The following NAV3 variants were observed in gnomAD, a reference collection of about 807,000 sequenced individuals.
NAV3 encodes the protein pore membrane and/or filament interacting like protein 1.
Under a neutral mutation model 244.7 loss-of-function variants are expected in NAV3, and 87 were observed. That is an observed-to-expected ratio of 0.36 (90% CI 0.30 to 0.42). NAV3 has a LOEUF of 0.42. NAV3 is among the 20% of genes least tolerant of loss of function. NAV3 has a pLI of 1.00. For missense variants in NAV3, 2,663 were observed against 2,893.3 expected, an observed-to-expected ratio of 0.92 and a Z score of 1.83; for synonymous variants, 1,126 against 1,042.2, an observed-to-expected ratio of 1.08 and a Z score of -1.55.
At chr12:78,150,428 C>T (rs1957028401) in intron 22 of NAV3, among the ~76,000 whole-genome samples, 1 of 151,758 alleles carries the variant, frequency 6.6e-6, no homozygotes. Flanking sequence ...CTGATACTTT[C>T]CATTTGAAAT....
chr12:77,670,925 A>G lies in NAV3; in HGVS notation c.72+98659A>G, dbSNP rs142551308. Among the ~76,000 whole-genome samples, 255 of 152,324 alleles carry G rather than the reference A, an allele frequency of 1.7e-3. 7 individuals are homozygous for G. In the East Asian group the frequency reaches 0.046, roughly 27 times the overall value. ...CCACTTGTATTCAACACAGTACTGG[A>G]AGTCCTAGCCAGAGCAATCAGATAA... On this transcript the variant is annotated intron_variant, in intron 2 of 8. Transcript: ENST00000550042.
rs68039677 is a variant in NAV3, at chr12:77,979,697, ACG to A, written c.671+10996_671+10997del. On this transcript the variant is annotated intron_variant, in intron 5 of 39. Coordinates refer to ENST00000397909, the MANE Select transcript of NAV3 (RefSeq NM_001024383.2). ...ATCTCTCAGTCTCATAAGATGTGAA[ACG>A]AAAAAAAAAAAAGAAAAAAAAAAAA... 3.7e-3 allele frequency among the ~76,000 whole-genome samples: 501 copies of A among 134,520 alleles called. 6 individuals carry two copies. The highest frequency in any genetic ancestry group is 8.7e-3 in the Admixed American group (112 of 12,926). 88.3% of individuals were successfully genotyped at this position (134,520 alleles called of 152,430 possible). A position where few individuals can be genotyped will look rare whatever the true frequency, so the allele number is the denominator to read the frequency against.
At chr12:77,720,019 C>A (rs1056015387) in intron 2 of NAV3, among the ~76,000 whole-genome samples, 1 of 151,926 alleles carries the variant, frequency 6.6e-6, no homozygotes, top group African/African-American at 2.4e-5. Flanking sequence ...CTTTCTTGTT[C>A]AGTATTCATA....
intron 3 of NAV3, among the ~76,000 whole-genome samples, chr12:77,960,910 A>G (rs1240577014): frequency 2.0e-5 from 3 of 146,586 alleles, no homozygotes; most frequent in African/African-American, 4.9e-5. Flanking sequence ...CATATATTCA[A>G]TATACATGTG....
At chr12:77,656,948 C>T (rs1441013733) in intron 2 of NAV3, among the ~76,000 whole-genome samples, 6 of 152,122 alleles carry the variant, frequency 3.9e-5, no homozygotes, top group African/African-American at 1.4e-4. Context: ...CTCTGGGACA[C>T]ATTCAAAGCA....
chr12:77,733,962 C>T (rs1877230439), intron 2 of NAV3, among the ~76,000 whole-genome samples: 1 of 147,760 alleles, frequency 6.8e-6, no homozygotes, highest in Non-Finnish European at 1.5e-5. Context: ...TGTTAGGAGA[C>T]AAAGCAAGGA....
At chr12:77,986,879 A>G (rs1361698468) in intron 5 of NAV3, among the ~76,000 whole-genome samples, 2 of 152,154 alleles carry the variant, frequency 1.3e-5, no homozygotes, top group Non-Finnish European at 2.9e-5. Context: ...TAGAAAAAAA[A>G]TGTTCCATGA....
At chr12:77,991,833 C>T (rs1871495444) in intron 5 of NAV3, among the ~76,000 whole-genome samples, 2 of 152,108 alleles carry the variant, frequency 1.3e-5, no homozygotes, top group African/African-American at 4.8e-5. Flanking sequence ...GAGTTTGAGA[C>T]CATCTTGGCC....
chr12:77,751,810 C>T, intron 2 of NAV3, among the ~76,000 whole-genome samples: 1 of 152,090 alleles, frequency 6.6e-6, no homozygotes, highest in East Asian at 1.9e-4. Context: ...ACACATTGTT[C>T]AATTGAAGTT....
intron 9 of NAV3, among the ~76,000 whole-genome samples, chr12:78,049,382 G>A (rs1471807983): frequency 2.6e-5 from 4 of 152,320 alleles, no homozygotes; most frequent in African/African-American, 9.6e-5. Context: ...TGTGAAGACT[G>A]TGGGAAAAGC....
At chr12:78,203,516 A>C (rs1959956317) in intron 38 of NAV3, among the ~76,000 whole-genome samples, 1 of 152,130 alleles carries the variant, frequency 6.6e-6, no homozygotes. Flanking sequence ...ATCAGTACCT[A>C]GACTCCCTTT....
chr12:78,192,168 C>G (rs554008823), intron 34 of NAV3, among the ~76,000 whole-genome samples: 56 of 151,874 alleles, frequency 3.7e-4, no homozygotes, highest in Non-Finnish European at 7.9e-4. Flanking sequence ...TAGAGATGTT[C>G]TGTTAAGAAC....
chr12:77,617,332 G>A (rs934532852), intron 2 of NAV3, among the ~76,000 whole-genome samples: 4 of 152,098 alleles, frequency 2.6e-5, no homozygotes, highest in African/African-American at 9.7e-5. Flanking sequence ...GTAATGAATG[G>A]GAAGTTGCCA....
In NAV3 at chr12:77,581,448, GT is replaced by G. The variant is rs1869361303; in HGVS notation, c.72+9184del. Among the ~76,000 whole-genome samples the G allele has an allele frequency of 5.9e-5, 9 of 152,148 alleles. No individual in the cohort carries two copies. In the South Asian group the frequency reaches 1.9e-3, roughly 32 times the overall value. ...GCCACATATTACACTGAATAGTGTA[GT>G]TGGTTAAAAATCAATTCAAAATGTG... On this transcript the variant is annotated intron_variant, in intron 2 of 8. Coordinates refer to the NAV3 transcript ENST00000550042.
At chr12:77,859,931 T>G (rs2136324111) in intron 1 of NAV3, among the ~76,000 whole-genome samples, 1 of 152,004 alleles carries the variant, frequency 6.6e-6, no homozygotes, top group African/African-American at 2.4e-5. Context: ...TTGATTATCT[T>G]TTGTTCCTTA....
In NAV3 at chr12:77,925,694, A is replaced by G. The variant is rs1045251414; in HGVS notation, c.244-14625A>G. 2.0e-5 allele frequency among the ~76,000 whole-genome samples: 3 copies of G among 152,112 alleles called. No individual in the cohort carries two copies. The South Asian group carries it at 6.2e-4, about 32-fold the overall frequency. On this transcript the variant is annotated intron_variant, in intron 1 of 39. Coordinates refer to ENST00000397909, the MANE Select transcript of NAV3 (RefSeq NM_001024383.2). ...ACTGTTAGCCGATGGTCTTGCAGGT[A>G]TGTGGATCTAGCTCCTACCCGTGGT...
At position 77,968,622 on chromosome 12, in the gene NAV3, G is replaced by A. The variant is rs1188287212; in HGVS notation, c.591G>A (p.Val197=). 1 of 1,614,092 alleles carries A rather than the reference G, an allele frequency of 6.2e-7. No individual in the cohort carries two copies. Among genetic ancestry groups the A allele is most frequent in the Non-Finnish European group, 8.5e-7 (1 of 1,179,996 alleles). Residue 197 remains valine, a synonymous_variant, in exon 5 of 40, where the codon GTG becomes GTA. Coordinates refer to ENST00000397909, the MANE Select transcript of NAV3 (RefSeq NM_001024383.2). ...AACAACAGTACTATCAGTCCTTGGT[G>A]GAACTTCAGCAGCGAGTTACTCACG... ...HHQQQYYQSL[V]ELQQRVTHAS...
intron 3 of NAV3, among the ~76,000 whole-genome samples, chr12:77,944,879 C>A (rs928121634): frequency 6.6e-6 from 1 of 152,034 alleles, no homozygotes; most frequent in Non-Finnish European, 1.5e-5. Flanking sequence ...CGTGGACTAC[C>A]CCAGCAAGTC....
chr12:78,148,530 T>A (rs1956952699), intron 21 of NAV3, among the ~76,000 whole-genome samples: 1 of 152,062 alleles, frequency 6.6e-6, no homozygotes, highest in Non-Finnish European at 1.5e-5. Context: ...ATTACCACAG[T>A]TTTTCTAGAA....
Sources: gnomAD v4.1 joint callset for allele counts (sites outside exome capture counted in the v4.1 genomes callset) on GRCh38, gnomAD v4.1.1 for gene constraint, MANE v1.5 for transcripts, NCBI Gene and HGNC (gene_info 2026-07-23, HGNC 2026-07-21) for gene names.